SMIM21: variants seen among roughly 807,000 people sequenced by gnomAD.
The protein encoded by SMIM21 is chromosome 18 open reading frame 62.
SMIM21 carries 8 observed loss-of-function variants against 8.6 expected under a neutral mutation model. The ratio of observed to expected loss-of-function variants is 0.93; its 90% CI spans 0.55 to 1.68. The LOEUF (loss-of-function observed/expected upper bound fraction) is 1.68. SMIM21 is among the 40% of genes most tolerant of loss of function. SMIM21 has a pLI of 0.00. For missense variants in SMIM21, 132 were observed against 123.0 expected, an observed-to-expected ratio of 1.07 and a Z score of -0.35; for synonymous variants, 43 against 41.7, an observed-to-expected ratio of 1.03 and a Z score of -0.12.
chr18:75,411,907 A>G (rs2024588543), intron 2 of SMIM21, among the ~76,000 whole-genome samples: 1 of 152,308 alleles, frequency 6.6e-6, no homozygotes, highest in Non-Finnish European at 1.5e-5. Context: ...TCCCTGCTCT[A>G]TAGAAGGCAT....
chr18:75,421,764 GA>G (rs1325483627), intron 1 of SMIM21, among the ~76,000 whole-genome samples: 1 of 152,100 alleles, frequency 6.6e-6, no homozygotes. Context: ...GAGAGGAGTG[GA>G]ACTGTTTCAC....
chr18:75,416,073 T>C (rs2024641032), intron 2 of SMIM21: 1 of 152,246 alleles, frequency 6.6e-6, no homozygotes, highest in Non-Finnish European at 1.5e-5. Flanking sequence ...TGAAATGGCA[T>C]GGCCAAAGGG....
intron 1 of SMIM21, among the ~76,000 whole-genome samples, chr18:75,425,277 G>C (rs2024749688): frequency 6.6e-6 from 1 of 152,144 alleles, no homozygotes. Flanking sequence ...GAGATACTGA[G>C]TTTCCAGTAC....
intron 2 of SMIM21, chr18:75,417,925 A>T: frequency 3.1e-6 from 1 of 327,712 alleles, no homozygotes; most frequent in African/African-American, 2.1e-5. Flanking sequence ...TATGGAAGAA[A>T]TTCAATTTCC....
At position 75,410,512 on chromosome 18, in the gene SMIM21, A is replaced by G; in HGVS notation, c.*352T>C. The G allele has an allele frequency of 3.5e-6, 1 of 285,404 alleles. No individual in the cohort carries two copies. Among genetic ancestry groups the G allele is most frequent in the Non-Finnish European group, 6.5e-6 (1 of 154,696 alleles). 17.7% of individuals were successfully genotyped at this position (285,404 alleles called of 1,614,324 possible). A position where few individuals can be genotyped will look rare whatever the true frequency, so the allele number is the denominator to read the frequency against. ...ATAAGTGAAAGCACTTGCAAGGAAAAAGTTACAGCAGCAATTGAAAATATG... is the reference window on the plus strand; with the variant it reads ...ATAAGTGAAAGCACTTGCAAGGAAAGAGTTACAGCAGCAATTGAAAATATG... On this transcript the variant is annotated 3_prime_UTR_variant, in exon 3 of 3. Coordinates refer to ENST00000579022, the MANE Select transcript of SMIM21 (RefSeq NM_001037331.3).
chr18:75,416,839 C>G (rs1248095337), intron 2 of SMIM21: 16 of 152,104 alleles, frequency 1.1e-4, no homozygotes, highest in Non-Finnish European at 1.9e-4. Context: ...GTGGATTTGT[C>G]TGGTGCCGAA....
intron 1 of SMIM21, among the ~76,000 whole-genome samples, chr18:75,420,474 C>T (rs1176791313): frequency 6.6e-6 from 1 of 152,114 alleles, no homozygotes; most frequent in Non-Finnish European, 1.5e-5. Context: ...GAGAGCTACT[C>T]TGTGCATCAT....
rs147627350 is a variant in SMIM21 at position 75,419,434 on chromosome 18, A to G, written c.130-518T>C. On this transcript the variant is annotated intron_variant, in intron 1 of 2. Coordinates refer to ENST00000579022, the MANE Select transcript of SMIM21 (RefSeq NM_001037331.3). Reference sequence around the variant, plus strand: ...TTTTTCTCAAATCATGCCATATATCATTGGTTTAGCAGAGGTTACAATTCA... The same window carrying G: ...TTTTTCTCAAATCATGCCATATATCGTTGGTTTAGCAGAGGTTACAATTCA... 5.5e-3 allele frequency among the ~76,000 whole-genome samples: 837 copies of G among 152,244 alleles called. 10 individuals are homozygous for G. The highest frequency in any genetic ancestry group is 0.018 in the African/African-American group (744 of 41,528).
intron 2 of SMIM21, among the ~76,000 whole-genome samples, chr18:75,412,741 C>G (rs1317640693): frequency 1.3e-5 from 2 of 152,156 alleles, no homozygotes; most frequent in Non-Finnish European, 2.9e-5. Context: ...AGGCCAGGCT[C>G]TGAGTGCTGA....
chr18:75,412,026 A>G (rs1469625258), intron 2 of SMIM21, among the ~76,000 whole-genome samples: 2 of 152,226 alleles, frequency 1.3e-5, no homozygotes, highest in Non-Finnish European at 2.9e-5. Flanking sequence ...TCAAATCATT[A>G]CACTTGTTCT....
At chr18:75,422,716 C>G (rs1461865603) in intron 1 of SMIM21, among the ~76,000 whole-genome samples, 1 of 152,144 alleles carries the variant, frequency 6.6e-6, no homozygotes, top group Non-Finnish European at 1.5e-5. Context: ...CACAAAAGAC[C>G]ACATGTTGGA....
chr18:75,417,864 G>A (rs1158646003), intron 2 of SMIM21: 1 of 228,438 alleles, frequency 4.4e-6, no homozygotes, highest in African/African-American at 2.2e-5. Context: ...GGAGAAACAA[G>A]ATGGTCTTTG....
chr18:75,412,135 C>G (rs1385465676), intron 2 of SMIM21, among the ~76,000 whole-genome samples: 3 of 152,188 alleles, frequency 2.0e-5, no homozygotes, highest in Non-Finnish European at 4.4e-5. Context: ...CTTCCAGGAT[C>G]AACACTGTTC....
intron 1 of SMIM21, among the ~76,000 whole-genome samples, chr18:75,426,769 A>G (rs966264659): frequency 6.6e-6 from 1 of 152,054 alleles, no homozygotes; most frequent in African/African-American, 2.4e-5. Context: ...CTTCACAGTC[A>G]GAAACACTAA....
intron 1 of SMIM21, among the ~76,000 whole-genome samples, chr18:75,424,848 C>T (rs1000665410): frequency 6.6e-6 from 1 of 152,180 alleles, no homozygotes; most frequent in Non-Finnish European, 1.5e-5. Flanking sequence ...TCTGGGAGAA[C>T]AGGCCCTTTT....
chr18:75,414,098 TAC>T (rs797004830), intron 2 of SMIM21, among the ~76,000 whole-genome samples: 511 of 51,098 alleles, frequency 0.01, 6 homozygotes, highest in African/African-American at 0.032. Flanking sequence ...CACACACACA[TAC>T]ACACACACAC....
intron 1 of SMIM21, among the ~76,000 whole-genome samples, chr18:75,422,088 G>C (rs1415443059): frequency 6.6e-6 from 1 of 152,116 alleles, no homozygotes; most frequent in Admixed American, 6.5e-5. Flanking sequence ...TTGACCCCCA[G>C]TAGTCCAGCC....
Position 75,410,783 on chromosome 18 carries a change from C to T in SMIM21, c.*81G>A. 5 of 1,596,842 alleles carry T rather than the reference C, an allele frequency of 3.1e-6. No homozygotes were observed. The South Asian group carries it at 4.6e-5, about 15-fold the overall frequency. On this transcript the variant is annotated 3_prime_UTR_variant, in exon 3 of 3. Transcript: ENST00000579022. ...CAATAATCTGCTATCTCTAAGCAAT[C>T]TGATTTCCTCTTAATTTCTTTTCAT...
rs921201853 is a variant in SMIM21, at chr18:75,410,235, A to G, written c.*629T>C. 3 of 152,672 alleles carry G rather than the reference A, an allele frequency of 2.0e-5. No individual in the cohort carries two copies. Among genetic ancestry groups the G allele is most frequent in the East Asian group, 3.8e-4 (2 of 5,200 alleles). The allele number at this position is 152,672 out of a possible 1,614,324, so 9.5% of individuals were successfully genotyped here. A position where few individuals can be genotyped will look rare whatever the true frequency, so the allele number is the denominator to read the frequency against. On this transcript the variant is annotated 3_prime_UTR_variant, in exon 3 of 3. Coordinates refer to ENST00000579022, the MANE Select transcript of SMIM21 (RefSeq NM_001037331.3). ...TGTAAGAGGCTTGGTGCAGTTTTCTACTTGACTGAGGGTTAGTTCATTAGG... is the reference window on the plus strand; with the variant it reads ...TGTAAGAGGCTTGGTGCAGTTTTCTGCTTGACTGAGGGTTAGTTCATTAGG...
Sources: gnomAD v4.1 joint callset for allele counts (sites outside exome capture counted in the v4.1 genomes callset) on GRCh38, gnomAD v4.1.1 for gene constraint, MANE v1.5 for transcripts, NCBI Gene and HGNC (gene_info 2026-07-23, HGNC 2026-07-21) for gene names.